The following KDM6A variants were observed in gnomAD, a reference collection of about 807,000 sequenced individuals.
The protein encoded by KDM6A is lysine demethylase 6A, also known as lysine-specific demethylase 6A.
Under a neutral mutation model 117.6 loss-of-function variants are expected in KDM6A, and 11 were observed. The observed-to-expected ratio is 0.09, with a 90% CI of 0.06 to 0.15. The LOEUF (loss-of-function observed/expected upper bound fraction) is 0.15, where lower values mean the gene tolerates loss of function less well. Among genes scored for constraint, KDM6A ranks in the 10% least tolerant of loss-of-function variants. The probability of loss-of-function intolerance (pLI) is 1.00; values close to 1 mark genes in which losing one functional copy is unlikely to be tolerated. For missense variants in KDM6A, 799 were observed against 1,077.3 expected, an observed-to-expected ratio of 0.74 and a Z score of 3.62; for synonymous variants, 384 against 396.1, an observed-to-expected ratio of 0.97 and a Z score of 0.36.
At chrX:45,098,591 A>G (rs781271072) in intron 27 of KDM6A, among the ~76,000 whole-genome samples, 62 of 112,641 alleles carry the variant, frequency 5.5e-4, no homozygotes, top group African/African-American at 1.9e-3. Context: ...AATTGCTCCT[A>G]CAAGATTTAA....
chrX:45,041,300 G>C (rs868685364), intron 8 of KDM6A, among the ~76,000 whole-genome samples: 1 of 84,870 alleles, frequency 1.2e-5, no homozygotes, highest in Admixed American at 1.2e-4. Context: ...CCGGGCGGGG[G>C]GCTGACCCCC....
chrX:45,020,578 A>G, intron 5 of KDM6A, 32 bp from the exon 6 acceptor site: 2 of 1,198,090 alleles, frequency 1.7e-6, no homozygotes, highest in Non-Finnish European at 2.3e-6. Flanking sequence ...CGTGTTAAAA[A>G]GTTAAGATAT....
intron 2 of KDM6A, among the ~76,000 whole-genome samples, chrX:44,892,104 A>G (rs1315038627): frequency 8.9e-6 from 1 of 112,372 alleles, no homozygotes; most frequent in Non-Finnish European, 1.9e-5. Context: ...TGGGGAGGAA[A>G]GTCTTTGAAG....
chrX:44,990,809 A>G (rs181182044), intron 4 of KDM6A, among the ~76,000 whole-genome samples: 3 of 111,884 alleles, frequency 2.7e-5, no homozygotes, highest in Non-Finnish European at 3.8e-5. Flanking sequence ...TTATTTGACT[A>G]TGTAACTTTG....
chrX:45,047,674 CTTTTTTTTTTTTTTTTTTTTT>C (rs78749806), intron 8 of KDM6A, among the ~76,000 whole-genome samples: 1 of 36,334 alleles, frequency 2.8e-5, no homozygotes, highest in Admixed American at 4.7e-4. Flanking sequence ...CTTTTTTTTT[CTTTTTTTTTTTTTTTTTTTTT>C]TTTTTTTTGA....
intron 4 of KDM6A, among the ~76,000 whole-genome samples, chrX:44,979,370 C>G (rs2039773512): frequency 9.2e-6 from 1 of 109,022 alleles, no homozygotes; most frequent in South Asian, 4.0e-4. Context: ...CTCCCTCCCT[C>G]TTCCCTTCTT....
intron 3 of KDM6A, among the ~76,000 whole-genome samples, chrX:44,964,489 T>C (rs1290823856): frequency 9.3e-6 from 1 of 107,654 alleles, no homozygotes; most frequent in Non-Finnish European, 1.9e-5. Context: ...TCAAAATTAC[T>C]CCTTGATGCA....
intron 2 of KDM6A, among the ~76,000 whole-genome samples, chrX:44,905,969 T>C (rs2034627486): frequency 8.9e-6 from 1 of 112,249 alleles, no homozygotes; most frequent in Non-Finnish European, 1.9e-5. Flanking sequence ...TCTTTTACTT[T>C]GCTCAGGTAG....
At chrX:44,900,625 G>A (rs769940407) in intron 2 of KDM6A, among the ~76,000 whole-genome samples, 53 of 112,151 alleles carry the variant, frequency 4.7e-4, no homozygotes, top group African/African-American at 1.6e-3. Flanking sequence ...TTGGCCGGGC[G>A]TGGTGGCTCA....
At chrX:44,989,555 C>T (rs1353177822) in intron 4 of KDM6A, among the ~76,000 whole-genome samples, 3 of 111,218 alleles carry the variant, frequency 2.7e-5, no homozygotes, top group African/African-American at 9.8e-5. Flanking sequence ...ACCCGCTCTC[C>T]CATATTTCTA....
intron 2 of KDM6A, among the ~76,000 whole-genome samples, chrX:44,921,420 G>A (rs1320103628): frequency 2.7e-5 from 3 of 111,138 alleles, no homozygotes; most frequent in African/African-American, 9.8e-5. Context: ...AATTTTATTA[G>A]GTGTAGTTTC....
At chrX:44,976,673 A>AG (rs1382539975) in intron 4 of KDM6A, among the ~76,000 whole-genome samples, 1 of 111,620 alleles carries the variant, frequency 9.0e-6, no homozygotes, top group Non-Finnish European at 1.9e-5. Flanking sequence ...ATGGATACAA[A>AG]GGGCTCACTG....
At chrX:45,012,303 C>T (rs760503794) in intron 5 of KDM6A, among the ~76,000 whole-genome samples, 3 of 103,005 alleles carry the variant, frequency 2.9e-5, no homozygotes, top group Non-Finnish European at 5.9e-5. Flanking sequence ...CGGGTTCAAG[C>T]GATTCTCCTG....
intron 2 of KDM6A, among the ~76,000 whole-genome samples, chrX:44,937,620 C>G (rs956766682): frequency 1.8e-5 from 2 of 111,859 alleles, no homozygotes; most frequent in Admixed American, 9.5e-5. Flanking sequence ...GCTCTACCGA[C>G]TGGCCATTCC....
chrX:44,924,836 G>A (rs993996952), intron 2 of KDM6A, among the ~76,000 whole-genome samples: 2 of 110,800 alleles, frequency 1.8e-5, no homozygotes, highest in Non-Finnish European at 3.8e-5. Context: ...CCACAGGTGT[G>A]TACCACCACG....
At chrX:45,102,448 C>T (rs1011751700) in intron 27 of KDM6A, among the ~76,000 whole-genome samples, 1 of 111,872 alleles carries the variant, frequency 8.9e-6, no homozygotes, top group Admixed American at 9.5e-5. Flanking sequence ...TATTAACTCC[C>T]TTTTCTCTTT....
chrX:44,873,650 G>C lies in KDM6A; in HGVS notation c.99G>C (p.Glu33Asp). The change falls in exon 1 of 30, where the codon GAG becomes GAC. Residue 33 changes from glutamate to aspartate, a missense_variant. By Grantham distance (45) the Glu-to-Asp change is conservative (BLOSUM62 2). Coordinates refer to ENST00000611820, the MANE Select transcript of KDM6A (RefSeq NM_001291415.2). ...TGGCGGCGGGAAAAGCGAGCGGCGA[G>C]AGCGAGGAGGCGTCCCCCAGCCTGA... is the stretch of plus-strand genomic sequence containing the variant. The part of the protein sequence containing the change: ...KKMAAGKASG[E>D]SEEASPSLTA... 1.7e-6 allele frequency: 2 copies of C among 1,191,729 alleles called. No individual in the cohort carries two copies. The highest frequency in any genetic ancestry group is 3.6e-5 in the South Asian group (2 of 54,988).
At chrX:44,976,348 A>G (rs1602413128) in intron 4 of KDM6A, among the ~76,000 whole-genome samples, 1 of 111,689 alleles carries the variant, frequency 9.0e-6, no homozygotes, top group East Asian at 2.8e-4. Flanking sequence ...TATATGTTAT[A>G]GCATGAATAT....
intron 2 of KDM6A, among the ~76,000 whole-genome samples, chrX:44,942,416 GTCTTCTGTTGATCTGTA>G (rs773140778): frequency 5.2e-4 from 58 of 110,675 alleles, no homozygotes; most frequent in Non-Finnish European, 7.6e-4. Context: ...TGGGTTCTCT[GTCTTCTGTTGATCTGTA>G]TCTTCTGTTG....
Sources: gnomAD v4.1 joint callset for allele counts (sites outside exome capture counted in the v4.1 genomes callset) on GRCh38, gnomAD v4.1.1 for gene constraint, MANE v1.5 for transcripts, NCBI Gene and HGNC (gene_info 2026-07-23, HGNC 2026-07-21) for gene names.